KCNH7: variants seen among roughly 807,000 people sequenced by gnomAD.
The protein encoded by KCNH7 is potassium voltage-gated channel subfamily H member 7.
In KCNH7, 49 loss-of-function variants were observed where a neutral mutation model predicts 120.8. The ratio of observed to expected loss-of-function variants is 0.41; its 90% confidence interval spans 0.32 to 0.51. The LOEUF (loss-of-function observed/expected upper bound fraction) is 0.51, where lower values mean the gene tolerates loss of function less well. KCNH7 is among the 20% of genes least tolerant of loss of function. KCNH7 has a pLI of 0.38. For missense variants in KCNH7, 1,097 were observed against 1,446.6 expected (o/e 0.76, Z 3.92); for synonymous variants, 547 against 516.1 (o/e 1.06, Z -0.81).
chr2:162,741,818 G>A (rs897175242), intron 2 of KCNH7, among the ~76,000 whole-genome samples: 2 of 152,116 alleles, frequency 1.3e-5, no homozygotes, highest in African/African-American at 4.8e-5. Flanking sequence ...AGCAATGTGA[G>A]ATATACATAA....
intron 2 of KCNH7, among the ~76,000 whole-genome samples, chr2:162,590,099 C>T (rs1010946397): frequency 2.6e-5 from 4 of 151,938 alleles, no homozygotes; most frequent in South Asian, 2.1e-4. Flanking sequence ...GGGTGCAAGT[C>T]GGGGGCAGAA....
intron 2 of KCNH7, among the ~76,000 whole-genome samples, chr2:162,653,065 A>G (rs1684623506): frequency 6.6e-6 from 1 of 152,160 alleles, no homozygotes; most frequent in Admixed American, 6.5e-5. Flanking sequence ...GGGGAAACTG[A>G]GGCTTAAGGG....
chr2:162,415,888 T>C (rs1425792275), intron 9 of KCNH7, among the ~76,000 whole-genome samples: 2 of 152,196 alleles, frequency 1.3e-5, no homozygotes, highest in Non-Finnish European at 2.9e-5. Context: ...ACTCTGCTTT[T>C]ACTCCAAGAA....
intron 6 of KCNH7, among the ~76,000 whole-genome samples, chr2:162,500,324 A>T (rs1690639307): frequency 7.0e-6 from 1 of 143,852 alleles, no homozygotes; most frequent in African/African-American, 2.6e-5. Context: ...TAATATGTAT[A>T]TTATATATAC....
chr2:162,379,511 G>A (rs1686336281), intron 14 of KCNH7, among the ~76,000 whole-genome samples: 1 of 151,762 alleles, frequency 6.6e-6, no homozygotes, highest in African/African-American at 2.4e-5. Context: ...CCGAAAAAGT[G>A]TAAAAGGAGG....
intron 7 of KCNH7, among the ~76,000 whole-genome samples, chr2:162,445,758 G>A (rs992461585): frequency 6.6e-6 from 1 of 152,178 alleles, no homozygotes; most frequent in Non-Finnish European, 1.5e-5. Context: ...AATGTGCTGT[G>A]TGCTATGGAC....
At chr2:162,375,392 A>G (rs1686127975) in intron 14 of KCNH7, among the ~76,000 whole-genome samples, 2 of 152,196 alleles carry the variant, frequency 1.3e-5, no homozygotes, top group African/African-American at 2.4e-5. Flanking sequence ...TCTCTTTATC[A>G]TGGATTCTAC....
chr2:162,667,727 A>G (rs1685192496), intron 2 of KCNH7, among the ~76,000 whole-genome samples: 1 of 152,174 alleles, frequency 6.6e-6, no homozygotes, highest in African/African-American at 2.4e-5. Flanking sequence ...CTTGTCTCAG[A>G]TAACTCCACT....
intron 9 of KCNH7, among the ~76,000 whole-genome samples, chr2:162,408,786 C>T (rs983442958): frequency 1.3e-5 from 2 of 151,690 alleles, no homozygotes; most frequent in African/African-American, 4.8e-5. Flanking sequence ...AGTCACTAAA[C>T]TCTGATTATA....
At chr2:162,682,398 T>C (rs941120311) in intron 2 of KCNH7, among the ~76,000 whole-genome samples, 5 of 147,226 alleles carry the variant, frequency 3.4e-5, no homozygotes, top group African/African-American at 1.3e-4. Flanking sequence ...ATAAGTCTAG[T>C]TGTCCTGAGA....
At chr2:162,652,721 G>A (rs1003109406) in intron 2 of KCNH7, among the ~76,000 whole-genome samples, 12 of 152,252 alleles carry the variant, frequency 7.9e-5, no homozygotes, top group South Asian at 6.2e-4. Context: ...TCCATGGCCC[G>A]GGGGCTGGGG....
chr2:162,565,020 A>C (rs1034306504), intron 2 of KCNH7, among the ~76,000 whole-genome samples: 1 of 152,090 alleles, frequency 6.6e-6, no homozygotes, highest in African/African-American at 2.4e-5. Context: ...TAACCTCCAA[A>C]GTAATTTGTT....
chr2:162,766,386 T>C (rs1434594109), intron 2 of KCNH7, among the ~76,000 whole-genome samples: 1 of 152,172 alleles, frequency 6.6e-6, no homozygotes, highest in Non-Finnish European at 1.5e-5. Flanking sequence ...GACCTAGTTA[T>C]CAGTGAAAAG....
rs369024910 is a variant in KCNH7 at position 162,493,021 on chromosome 2, T to A, written c.1128+11422A>T. Among the ~76,000 whole-genome samples the A allele has an allele frequency of 1.3e-4, 20 of 152,052 alleles. No homozygotes were observed. In the East Asian group the frequency reaches 3.1e-3, roughly 24 times the overall value. On this transcript the variant is annotated intron_variant, in intron 6 of 15. Transcript: ENST00000332142. ...GATGCCTGGGGAAAAACAGAGAAGG[T>A]GCCACAGACTCCATTTTGGGAAAAA... is the stretch of plus-strand genomic sequence containing the variant.
At chr2:162,442,269 G>A (rs894184173) in intron 7 of KCNH7, among the ~76,000 whole-genome samples, 11 of 151,452 alleles carry the variant, frequency 7.3e-5, no homozygotes, top group Non-Finnish European at 7.4e-5. Context: ...CTCATGATCC[G>A]CCAGTCTTGG....
chr2:162,582,006 A>G (rs1281259041), intron 2 of KCNH7, among the ~76,000 whole-genome samples: 1 of 152,060 alleles, frequency 6.6e-6, no homozygotes, highest in Non-Finnish European at 1.5e-5. Context: ...ACCTGGGGAG[A>G]TCTCCAAGCA....
At chr2:162,407,610 G>A (rs1687267117) in intron 9 of KCNH7, among the ~76,000 whole-genome samples, 1 of 151,926 alleles carries the variant, frequency 6.6e-6, no homozygotes, top group Admixed American at 6.6e-5. Context: ...GAGGTCTCAG[G>A]GGAAAACTTG....
chr2:162,538,577 T>C (rs899860902), intron 2 of KCNH7, among the ~76,000 whole-genome samples: 2 of 151,968 alleles, frequency 1.3e-5, no homozygotes, highest in South Asian at 2.1e-4. Flanking sequence ...CAAAGGCCAG[T>C]AGATGCAAGT....
chr2:162,483,674 C>A (rs1228048544), intron 6 of KCNH7, among the ~76,000 whole-genome samples: 2 of 151,914 alleles, frequency 1.3e-5, no homozygotes, highest in African/African-American at 4.8e-5. Flanking sequence ...TGAGTAATAA[C>A]CCTCTAAATT....
Sources: gnomAD v4.1 joint callset for allele counts (sites outside exome capture counted in the v4.1 genomes callset) on GRCh38, gnomAD v4.1.1 for gene constraint, MANE v1.5 for transcripts, NCBI Gene and HGNC (gene_info 2026-07-23, HGNC 2026-07-21) for gene names.